UBE2E2: variants seen among roughly 807,000 people sequenced by gnomAD.
The protein encoded by UBE2E2 is ubiquitin conjugating enzyme E2 E2.
In UBE2E2, 6 loss-of-function variants were observed where a neutral mutation model predicts 24.7. The observed-to-expected ratio is 0.24, with a 90% confidence interval of 0.13 to 0.48. UBE2E2 has a LOEUF of 0.48. UBE2E2 is among the 20% of genes least tolerant of loss of function. UBE2E2 has a pLI of 0.99. For missense variants in UBE2E2, 169 were observed against 245.0 expected (o/e 0.69, Z 2.07); for synonymous variants, 104 against 83.6 (o/e 1.24, Z -1.33).
Position 23,224,690 on chromosome 3 carries a change from C to G in UBE2E2, c.227+7378C>G, listed in dbSNP as rs571379401. Among the ~76,000 whole-genome samples the G allele has an allele frequency of 6.9e-4, 105 of 152,120 alleles. No homozygotes were observed. In the South Asian group the frequency reaches 0.011, roughly 15 times the overall value. On this transcript the variant is annotated intron_variant, in intron 3 of 5. Transcript: ENST00000396703. The stretch of plus-strand genomic sequence containing the variant: ...TCTGGCCTTTGTTCCTACTTGTTAC[C>G]AAATAAACTTCCATTTTTATGGATA...
At chr3:23,441,978 G>A (rs1449563565) in intron 3 of UBE2E2, among the ~76,000 whole-genome samples, 1 of 152,082 alleles carries the variant, frequency 6.6e-6, no homozygotes, top group Non-Finnish European at 1.5e-5. Context: ...GATTTAAATT[G>A]AAGTTCCCTA....
intron 1 of UBE2E2, among the ~76,000 whole-genome samples, chr3:23,208,307 CA>C (rs991405032): frequency 1.1e-4 from 16 of 152,198 alleles, no homozygotes; most frequent in African/African-American, 3.9e-4. Context: ...CAGAATGTTT[CA>C]AGGTTCATCC....
In UBE2E2 at chr3:23,534,121, A is replaced by C. The variant is rs933489532; in HGVS notation, c.508+1420A>C. 4 of 848,184 alleles carry C rather than the reference A, an allele frequency of 4.7e-6. No individual in the cohort carries two copies. In the East Asian group the frequency reaches 3.7e-4, roughly 79 times the overall value. The allele number at this position is 848,184 out of a possible 1,614,324, so 52.5% of individuals were successfully genotyped here. ...TAACCTCATTTGGAGGTAATGTTGCAAGAAGGCTTTTTTTTTTTTTTTTTT... is the reference window on the plus strand; with the variant it reads ...TAACCTCATTTGGAGGTAATGTTGCCAGAAGGCTTTTTTTTTTTTTTTTTT... On this transcript the variant is annotated intron_variant, in intron 5 of 5. Transcript: ENST00000396703.
At chr3:23,260,726 G>A (rs745588678) in intron 3 of UBE2E2, among the ~76,000 whole-genome samples, 1 of 152,122 alleles carries the variant, frequency 6.6e-6, no homozygotes, top group Non-Finnish European at 1.5e-5. Flanking sequence ...CTGGGAGGTC[G>A]AGGCTGTGGT....
At chr3:23,535,254 A>G (rs74431036) in intron 5 of UBE2E2, among the ~76,000 whole-genome samples, 4,399 of 152,308 alleles carry the variant, frequency 0.029, 104 homozygotes, top group East Asian at 0.13. Flanking sequence ...GTATATGTGA[A>G]AGCCATTTAT....
At chr3:23,331,684 A>T (rs6550755) in intron 3 of UBE2E2, among the ~76,000 whole-genome samples, 68,946 of 151,616 alleles carry the variant, frequency 0.45, 15,993 homozygotes, top group East Asian at 0.64. Context: ...GGGAGATTAG[A>T]GTGACTGGAG....
chr3:23,246,766 A>G (rs1479613097), intron 3 of UBE2E2, among the ~76,000 whole-genome samples: 1 of 152,232 alleles, frequency 6.6e-6, no homozygotes, highest in Non-Finnish European at 1.5e-5. Context: ...TTGAAAAACC[A>G]CAGTGGAATA....
chr3:23,362,621 A>C (rs1391056016), intron 3 of UBE2E2, among the ~76,000 whole-genome samples: 1 of 151,932 alleles, frequency 6.6e-6, no homozygotes, highest in Admixed American at 6.6e-5. Context: ...AGGGTGGGCC[A>C]CCCTACCCAC....
chr3:23,300,479 G>C (rs1054979063), intron 3 of UBE2E2, among the ~76,000 whole-genome samples: 3 of 151,996 alleles, frequency 2.0e-5, no homozygotes, highest in African/African-American at 4.8e-5. Context: ...GGCAGGCCTG[G>C]TGGTGACAAA....
chr3:23,356,553 A>G (rs188518517), intron 3 of UBE2E2, among the ~76,000 whole-genome samples: 10 of 152,146 alleles, frequency 6.6e-5, no homozygotes, highest in Non-Finnish European at 1.3e-4. Context: ...TAATTATCTC[A>G]TCTCCTCTTA....
chr3:23,237,499 C>T (rs1348130828), intron 3 of UBE2E2, among the ~76,000 whole-genome samples: 1 of 152,142 alleles, frequency 6.6e-6, no homozygotes, highest in African/African-American at 2.4e-5. Context: ...GTAGAAGCCT[C>T]ATCAGCTGGG....
rs1575603864 is a variant in UBE2E2 at position 23,396,331 on chromosome 3, G to GTATATATATATGTATATATATACGTATA, written c.228-103266_228-103265insGTATATATATACGTATATATATATATAT. Among the ~76,000 whole-genome samples, 3 of 143,078 alleles carry GTATATATATATGTATATATATACGTATA rather than the reference G, an allele frequency of 2.1e-5. 1 individual carries two copies. In the East Asian group the frequency reaches 6.0e-4, roughly 28 times the overall value. 93.9% of individuals were successfully genotyped at this position (143,078 alleles called of 152,430 possible). A position where few individuals can be genotyped will look rare whatever the true frequency, so the allele number is the denominator to read the frequency against. ...TATATATATATATGTATATATATAC[G>GTATATATATATGTATATATATACGTATA]TATATATATATATAGCATTTTATTT... On this transcript the variant is annotated intron_variant, in intron 3 of 5. Transcript: ENST00000396703.
chr3:23,238,435 A>G (rs1697174829), intron 3 of UBE2E2, among the ~76,000 whole-genome samples: 2 of 152,200 alleles, frequency 1.3e-5, no homozygotes, highest in African/African-American at 2.4e-5. Flanking sequence ...ATAATGTTAC[A>G]TTGTTCGGGA....
At chr3:23,503,729 T>C (rs7612666) in intron 4 of UBE2E2, among the ~76,000 whole-genome samples, 81,181 of 151,324 alleles carry the variant, frequency 0.54, 22,379 homozygotes, top group East Asian at 0.74. Flanking sequence ...TGACTCACAC[T>C]TGTAATTCCA....
intron 3 of UBE2E2, among the ~76,000 whole-genome samples, chr3:23,257,650 C>T (rs1405116419): frequency 2.7e-5 from 4 of 150,518 alleles, no homozygotes; most frequent in Non-Finnish European, 5.9e-5. Context: ...GGACTATAGG[C>T]ACAGGCCACC....
chr3:23,449,789 T>G, intron 3 of UBE2E2: 1 of 865,322 alleles, frequency 1.2e-6, no homozygotes, highest in Non-Finnish European at 1.4e-6. Context: ...TAAGCAGTGT[T>G]TTTAATATCT....
chr3:23,532,802 C>G, intron 5 of UBE2E2, 101 bp downstream of exon 5: 1 of 1,057,420 alleles, frequency 9.5e-7, no homozygotes, highest in Non-Finnish European at 1.3e-6. Context: ...ACCACCACTG[C>G]TTCTACTACT....
At chr3:23,206,172 A>G (rs556129730) in intron 1 of UBE2E2, among the ~76,000 whole-genome samples, 5 of 152,206 alleles carry the variant, frequency 3.3e-5, no homozygotes, top group South Asian at 2.1e-4. Context: ...GCATTTTGCT[A>G]TATCTGAGCA....
At chr3:23,333,727 C>T (rs1217066596) in intron 3 of UBE2E2, among the ~76,000 whole-genome samples, 3 of 151,788 alleles carry the variant, frequency 2.0e-5, no homozygotes, top group Non-Finnish European at 4.4e-5. Flanking sequence ...CGTAGTAGTT[C>T]GCAGTGTAGA....
Sources: allele counts gnomAD v4.1 joint callset (sites outside exome capture counted in the v4.1 genomes callset), GRCh38; gene constraint gnomAD v4.1.1; transcripts MANE v1.5; gene names NCBI Gene and HGNC (gene_info 2026-07-23, HGNC 2026-07-21).